The following NXPH1 variants were observed in gnomAD, a reference collection of about 807,000 sequenced individuals.
NXPH1 encodes neurexophilin 1.
In NXPH1, 5 loss-of-function variants were observed where a neutral mutation model predicts 23.7. That is an observed-to-expected ratio of 0.21 (90% CI 0.11 to 0.44). The LOEUF is 0.44. Ranked by LOEUF, NXPH1 falls within the 20% of genes least tolerant of loss-of-function variation. The pLI is 0.99. For missense variants in NXPH1, 324 were observed against 321.6 expected (o/e 1.01, Z -0.06); for synonymous variants, 144 against 122.2 (o/e 1.18, Z -1.18).
At chr7:8,575,752 A>G (rs1371100955) in intron 2 of NXPH1, among the ~76,000 whole-genome samples, 1 of 135,882 alleles carries the variant, frequency 7.4e-6, no homozygotes, top group Non-Finnish European at 1.5e-5. Flanking sequence ...GCATTGGGCA[A>G]TGATCTTTTT....
chr7:8,652,317 T>C (rs1820502976), intron 2 of NXPH1, among the ~76,000 whole-genome samples: 1 of 152,086 alleles, frequency 6.6e-6, no homozygotes. Context: ...TGTGAATAAA[T>C]TTTACATATG....
chr7:8,575,778 TCTTA>T (rs1818743743), intron 2 of NXPH1, among the ~76,000 whole-genome samples: 1 of 151,862 alleles, frequency 6.6e-6, no homozygotes, highest in Non-Finnish European at 1.5e-5. Context: ...TTAAATAAGC[TCTTA>T]CTTGGTCAAA....
chr7:8,538,176 G>C (rs990764720), intron 2 of NXPH1, among the ~76,000 whole-genome samples: 1 of 151,878 alleles, frequency 6.6e-6, no homozygotes, highest in Admixed American at 6.6e-5. Flanking sequence ...AATAAATATT[G>C]ATTCTCACAG....
chr7:8,734,681 G>A (rs533757439), intron 2 of NXPH1, among the ~76,000 whole-genome samples: 1 of 152,292 alleles, frequency 6.6e-6, no homozygotes, highest in African/African-American at 2.4e-5. Context: ...GATTTGGGGT[G>A]GAGAGTTCTG....
intron 2 of NXPH1, among the ~76,000 whole-genome samples, chr7:8,715,623 A>G (rs747638067): frequency 2.6e-5 from 4 of 152,198 alleles, no homozygotes; most frequent in Non-Finnish European, 5.9e-5. Flanking sequence ...TTTCTTAATT[A>G]AAAATAAAAT....
rs569437353 is a variant in NXPH1 at position 8,654,195 on chromosome 7, CT to C, written c.55-96802del. On this transcript the variant is annotated intron_variant, in intron 2 of 2. Coordinates refer to ENST00000405863, the MANE Select transcript of NXPH1 (RefSeq NM_152745.3). ...AGAAAATTCAGAATTAGTGTTGAAA[CT>C]TTTTTTTTTTGTAAAATCAAACTCT... is the stretch of plus-strand genomic sequence containing the variant. Among the ~76,000 whole-genome samples the C allele has an allele frequency of 9.3e-3, 1,374 of 148,076 alleles. 15 individuals are homozygous for C. The highest frequency in any genetic ancestry group is 0.037 in the South Asian group (175 of 4,672).
intron 2 of NXPH1, among the ~76,000 whole-genome samples, chr7:8,667,932 C>A (rs10233301): frequency 6.6e-6 from 1 of 151,642 alleles, no homozygotes; most frequent in African/African-American, 2.4e-5. Context: ...TTTTCGAGTT[C>A]ACAGATTCTT....
chr7:8,653,496 A>G (rs1277916232), intron 2 of NXPH1, among the ~76,000 whole-genome samples: 1 of 152,218 alleles, frequency 6.6e-6, no homozygotes, highest in Non-Finnish European at 1.5e-5. Flanking sequence ...TCTGGTACAA[A>G]TGACTTTAAA....
chr7:8,639,656 A>G (rs1213993739), intron 2 of NXPH1, among the ~76,000 whole-genome samples: 1 of 152,190 alleles, frequency 6.6e-6, no homozygotes, highest in East Asian at 1.9e-4. Flanking sequence ...CTTGAATTGT[A>G]TCTCCCAGAA....
chr7:8,591,070 A>G (rs1444460504), intron 2 of NXPH1, among the ~76,000 whole-genome samples: 1 of 152,118 alleles, frequency 6.6e-6, no homozygotes, highest in Non-Finnish European at 1.5e-5. Context: ...GAACAGCGTA[A>G]GAAAAGCAGA....
chr7:8,630,098 G>T (rs1289087085), intron 2 of NXPH1, among the ~76,000 whole-genome samples: 1 of 152,030 alleles, frequency 6.6e-6, no homozygotes, highest in Non-Finnish European at 1.5e-5. Flanking sequence ...AACTTCTGTT[G>T]TAAGGCATAC....
chr7:8,638,096 G>T (rs1000435542), intron 2 of NXPH1, among the ~76,000 whole-genome samples: 5 of 152,192 alleles, frequency 3.3e-5, no homozygotes, highest in Non-Finnish European at 5.9e-5. Context: ...ACTCCAGCTT[G>T]TAGCGACAGA....
chr7:8,670,748 T>A (rs942825370), intron 2 of NXPH1, among the ~76,000 whole-genome samples: 5 of 152,258 alleles, frequency 3.3e-5, no homozygotes, highest in African/African-American at 1.2e-4. Flanking sequence ...TTTTTGATAC[T>A]TCAGTTACCT....
chr7:8,656,383 T>A (rs1481273754), intron 2 of NXPH1, among the ~76,000 whole-genome samples: 2 of 152,192 alleles, frequency 1.3e-5, no homozygotes, highest in African/African-American at 4.8e-5. Context: ...TTTACTTGTC[T>A]CATTTTACTT....
At chr7:8,445,520 G>T (rs923276884) in intron 2 of NXPH1, among the ~76,000 whole-genome samples, 3 of 152,160 alleles carry the variant, frequency 2.0e-5, no homozygotes. Flanking sequence ...CTAAGATGAA[G>T]ATACAAATTG....
At chr7:8,653,800 C>A (rs1280709717) in intron 2 of NXPH1, among the ~76,000 whole-genome samples, 1 of 152,098 alleles carries the variant, frequency 6.6e-6, no homozygotes, top group African/African-American at 2.4e-5. Context: ...TTCATCTTAT[C>A]AGAAACATGA....
At chr7:8,443,198 G>A (rs191733799) in intron 2 of NXPH1, among the ~76,000 whole-genome samples, 2 of 152,374 alleles carry the variant, frequency 1.3e-5, no homozygotes, top group Admixed American at 1.3e-4. Flanking sequence ...ATGACCTGCG[G>A]TCAGAAACTC....
intron 2 of NXPH1, among the ~76,000 whole-genome samples, chr7:8,477,165 A>G (rs1428223023): frequency 6.6e-6 from 1 of 151,990 alleles, no homozygotes; most frequent in Non-Finnish European, 1.5e-5. Context: ...ATGGGGCATG[A>G]CTCTATAAAA....
chr7:8,674,293 C>A (rs933659274), intron 2 of NXPH1, among the ~76,000 whole-genome samples: 1 of 151,734 alleles, frequency 6.6e-6, no homozygotes, highest in African/African-American at 2.4e-5. Flanking sequence ...GAGAAAAATT[C>A]TGTGGGTTGC....
Sources: allele counts gnomAD v4.1 joint callset (sites outside exome capture counted in the v4.1 genomes callset), GRCh38; gene constraint gnomAD v4.1.1; transcripts MANE v1.5; gene names NCBI Gene and HGNC (gene_info 2026-07-23, HGNC 2026-07-21).